UBAC2: variants seen among roughly 807,000 people sequenced by gnomAD.
UBAC2 encodes ubiquitin-associated domain-containing protein 2.
Under a neutral mutation model 44.0 loss-of-function variants are expected in UBAC2, and 26 were observed. The ratio of observed to expected loss-of-function variants is 0.59; its 90% CI spans 0.43 to 0.82. The LOEUF is 0.82. Among genes scored for constraint, UBAC2 ranks in the 40% least tolerant of loss-of-function variants. The pLI is 0.00. For synonymous variants in UBAC2, 155 were observed against 154.3 expected, an observed-to-expected ratio of 1.00 and a Z score of -0.04; for missense variants, 329 against 419.4, an observed-to-expected ratio of 0.78 and a Z score of 1.88.
At chr13:99,351,735 G>A (rs1446864282) in intron 7 of UBAC2, 1 of 456,642 alleles carries the variant, frequency 2.2e-6, no homozygotes, top group Non-Finnish European at 4.4e-6. Context: ...GAAGCCCAGT[G>A]TGAATGAATC....
In UBAC2 at chr13:99,203,697, C is replaced by T. The variant is rs180780693; in HGVS notation, c.31+2758C>T. On this transcript the variant is annotated intron_variant, in intron 1 of 8. Coordinates refer to ENST00000403766, the MANE Select transcript of UBAC2 (RefSeq NM_001144072.2). ...GTATGATTCACATAGTGATAAGTGACATGAAGACAATGAGAGGGTAACTGC... is the reference window on the plus strand; with the variant it reads ...GTATGATTCACATAGTGATAAGTGATATGAAGACAATGAGAGGGTAACTGC... Among the ~76,000 whole-genome samples the T allele has an allele frequency of 2.5e-3, 374 of 152,188 alleles. 1 individual carries two copies. Among genetic ancestry groups the T allele is most frequent in the Admixed American group, 3.9e-3 (60 of 15,290 alleles).
chr13:99,224,203 T>C (rs530615570), intron 1 of UBAC2, among the ~76,000 whole-genome samples: 2 of 152,316 alleles, frequency 1.3e-5, no homozygotes, highest in African/African-American at 4.8e-5. Context: ...GGCTTCTAGC[T>C]GTGTCATCAC....
chr13:99,306,404 T>TGG (rs11441292), intron 4 of UBAC2, among the ~76,000 whole-genome samples: 24 of 151,956 alleles, frequency 1.6e-4, no homozygotes, highest in African/African-American at 5.8e-4. Flanking sequence ...AACTTGTGTG[T>TGG]GGGGGGGCCA....
chr13:99,259,750 C>G (rs1404527465), intron 4 of UBAC2, among the ~76,000 whole-genome samples: 1 of 152,184 alleles, frequency 6.6e-6, no homozygotes, highest in African/African-American at 2.4e-5. Flanking sequence ...CTGTCCTTTG[C>G]CTTATTCACA....
chr13:99,254,633 G>A (rs906975596), intron 4 of UBAC2: 5 of 375,732 alleles, frequency 1.3e-5, no homozygotes, highest in Admixed American at 8.7e-5. Context: ...CACATGTGTC[G>A]CTTGCACATA....
chr13:99,258,285 T>C (rs1172936539), intron 4 of UBAC2: 3 of 152,244 alleles, frequency 2.0e-5, no homozygotes, highest in African/African-American at 7.2e-5. Context: ...AAATGTTGTA[T>C]TTTGTTTTAG....
intron 1 of UBAC2, among the ~76,000 whole-genome samples, chr13:99,223,774 G>A (rs553284805): frequency 2.7e-4 from 41 of 151,962 alleles, no homozygotes; most frequent in African/African-American, 9.9e-4. Flanking sequence ...ATGTGTTGTT[G>A]AGTTTTCACA....
intron 4 of UBAC2, among the ~76,000 whole-genome samples, chr13:99,299,147 C>T (rs1211395310): frequency 6.6e-6 from 1 of 152,104 alleles, no homozygotes; most frequent in Non-Finnish European, 1.5e-5. Flanking sequence ...TATACAAATG[C>T]GTGTCTGACT....
intron 1 of UBAC2, among the ~76,000 whole-genome samples, chr13:99,219,272 A>C (rs1230019485): frequency 6.6e-6 from 1 of 152,228 alleles, no homozygotes; most frequent in Non-Finnish European, 1.5e-5. Context: ...AACAGCCCAC[A>C]GGACTAAGCT....
At chr13:99,297,575 T>A (rs577786873) in intron 4 of UBAC2, among the ~76,000 whole-genome samples, 8 of 152,222 alleles carry the variant, frequency 5.3e-5, no homozygotes, top group Non-Finnish European at 1.2e-4. Context: ...GTTAGAGGTA[T>A]GCATTCTGTA....
chr13:99,211,022 T>C (rs2042932064), intron 1 of UBAC2, among the ~76,000 whole-genome samples: 1 of 152,200 alleles, frequency 6.6e-6, no homozygotes, highest in Non-Finnish European at 1.5e-5. Flanking sequence ...CAGATATTCA[T>C]AGAAGTGAAA....
Position 99,243,358 on chromosome 13 carries a change from T to C in UBAC2, c.160-474T>C, listed in dbSNP as rs376611082. 1.3e-4 allele frequency among the ~76,000 whole-genome samples: 20 copies of C among 151,188 alleles called. No individual in the cohort carries two copies. In the East Asian group the frequency reaches 1.8e-3, roughly 13 times the overall value. On this transcript the variant is annotated intron_variant, in intron 2 of 8. Coordinates refer to ENST00000403766, the MANE Select transcript of UBAC2 (RefSeq NM_001144072.2). Reference sequence around the variant, plus strand: ...TAGTCATATTTAGCAGCAGTTGCCATAAATTACTTTGCATAGTTGCTATGA... The same window carrying C: ...TAGTCATATTTAGCAGCAGTTGCCACAAATTACTTTGCATAGTTGCTATGA...
chr13:99,235,027 A>T (rs1450255920), intron 1 of UBAC2, among the ~76,000 whole-genome samples: 1 of 152,162 alleles, frequency 6.6e-6, no homozygotes, highest in Non-Finnish European at 1.5e-5. Flanking sequence ...TATGTAAATG[A>T]CTAGATCAAG....
rs34164759 is a variant in UBAC2, at chr13:99,375,970, A to ATTT, written c.927+8082_927+8084dup. On this transcript the variant is annotated intron_variant, in intron 8 of 8. Transcript: ENST00000403766. ...AGGCACATGCCACCAAGCCCAGCTAATTTTTTTTTTTTTTTTTTTTGGTAG... is the reference window on the plus strand; with the variant it reads ...AGGCACATGCCACCAAGCCCAGCTAATTTTTTTTTTTTTTTTTTTTTTTGGTAG... Among the ~76,000 whole-genome samples the ATTT allele has an allele frequency of 4.1e-3, 532 of 130,820 alleles. 11 individuals are homozygous for ATTT. The highest frequency in any genetic ancestry group is 0.021 in the East Asian group (93 of 4,534). The allele number at this position is 130,820 out of a possible 152,430, so 85.8% of individuals were successfully genotyped here.
chr13:99,337,321 T>A (rs1245745449), intron 6 of UBAC2, among the ~76,000 whole-genome samples: 1 of 152,012 alleles, frequency 6.6e-6, no homozygotes, highest in East Asian at 1.9e-4. Flanking sequence ...GGGTTGGTTT[T>A]GAAAAAATAT....
At chr13:99,338,097 G>A (rs1455605096) in intron 6 of UBAC2, among the ~76,000 whole-genome samples, 5 of 107,154 alleles carry the variant, frequency 4.7e-5, no homozygotes, top group East Asian at 3.1e-4. Context: ...TCACTGTGTC[G>A]CCCAGGCTGG....
chr13:99,244,371 A>G, intron 3 of UBAC2, 144 bp from the exon 4 acceptor site: 1 of 496,430 alleles, frequency 2.0e-6, no homozygotes, highest in Non-Finnish European at 3.5e-6. Context: ...AATTTCAAAT[A>G]TATATACACA....
chr13:99,217,309 G>T (rs1329599018), intron 1 of UBAC2, among the ~76,000 whole-genome samples: 2 of 152,270 alleles, frequency 1.3e-5, no homozygotes, highest in Non-Finnish European at 2.9e-5. Context: ...TTTCTGCTCG[G>T]ATCTCTTACG....
intron 8 of UBAC2, among the ~76,000 whole-genome samples, chr13:99,381,660 C>T (rs540496020): frequency 2.6e-4 from 40 of 152,290 alleles, no homozygotes; most frequent in Middle Eastern, 3.4e-3. Context: ...GTTATTTCCA[C>T]CCAAGATTGG....
Sources: allele counts gnomAD v4.1 joint callset (sites outside exome capture counted in the v4.1 genomes callset), GRCh38; gene constraint gnomAD v4.1.1; transcripts MANE v1.5; gene names NCBI Gene and HGNC (gene_info 2026-07-23, HGNC 2026-07-21).